Variants in GABPB2 observed in about 807,000 individuals in gnomAD.
The protein encoded by GABPB2 is GA-binding protein subunit beta-2.
GABPB2 carries 23 observed loss-of-function variants against 39.1 expected under a neutral mutation model. The observed-to-expected ratio is 0.59, with a 90% CI of 0.42 to 0.83. The LOEUF is 0.83. Ranked by LOEUF, GABPB2 falls within the 40% of genes least tolerant of loss-of-function variation. The probability of loss-of-function intolerance (pLI) is 0.00; values close to 1 mark genes in which losing one functional copy is unlikely to be tolerated. For missense variants in GABPB2, 467 were observed against 541.1 expected (o/e 0.86, Z 1.36); for synonymous variants, 184 against 199.3 (o/e 0.92, Z 0.65).
intron 4 of GABPB2, among the ~76,000 whole-genome samples, chr1:151,093,964 ACTAT>A (rs760676674): frequency 1.3e-5 from 2 of 151,222 alleles, no homozygotes; most frequent in Non-Finnish European, 2.9e-5. Flanking sequence ...TAAATTGGGG[ACTAT>A]CTATGAAGCT....
At chr1:151,086,667 TTAA>T (rs1678221061) in intron 1 of GABPB2, among the ~76,000 whole-genome samples, 2 of 76,514 alleles carry the variant, frequency 2.6e-5, no homozygotes, top group African/African-American at 7.5e-5. Context: ...AAGCTTGTTC[TTAA>T]TTTTTTTTTT....
At chr1:151,111,491 C>T (rs1363349751) in intron 7 of GABPB2, among the ~76,000 whole-genome samples, 1 of 151,298 alleles carries the variant, frequency 6.6e-6, no homozygotes, top group African/African-American at 2.4e-5. Flanking sequence ...GGCGTGATCT[C>T]GGCTCACCGC....
At position 151,121,000 on chromosome 1, in the gene GABPB2, C is replaced by T. The variant is rs2101584267; in HGVS notation, c.*2744C>T. On this transcript the variant is annotated 3_prime_UTR_variant, in exon 9 of 9. Coordinates refer to ENST00000368918, the MANE Select transcript of GABPB2 (RefSeq NM_144618.3). ...GGAACTCCTGGCCTCAGGTGATCCACCCGCCTTGGCCTCCCAAAATGCTGA... is the reference window on the plus strand; with the variant it reads ...GGAACTCCTGGCCTCAGGTGATCCATCCGCCTTGGCCTCCCAAAATGCTGA... 6.6e-6 allele frequency: 1 copy of T among 152,312 alleles called. No individual in the cohort carries two copies. Among genetic ancestry groups the T allele is most frequent in the East Asian group, 1.9e-4 (1 of 5,176 alleles). 9.4% of individuals were successfully genotyped at this position (152,312 alleles called of 1,614,324 possible). A position where few individuals can be genotyped will look rare whatever the true frequency, so the allele number is the denominator to read the frequency against.
intron 3 of GABPB2, among the ~76,000 whole-genome samples, chr1:151,091,036 A>AC (rs910730245): frequency 7.3e-5 from 11 of 150,814 alleles, no homozygotes; most frequent in African/African-American, 2.2e-4. Context: ...AAAAAAACAA[A>AC]AAAAAAAACC....
In GABPB2 at chr1:151,120,508, TA is replaced by T. The variant is rs979279036; in HGVS notation, c.*2262del. ...CTGGGCAACAAGAGTGAAACTCAAT[TA>T]AAAAAAAAATAGAAAAGAAAGAAAA... On this transcript the variant is annotated 3_prime_UTR_variant, in exon 9 of 9. Transcript: ENST00000368918. 37 of 148,316 alleles carry T rather than the reference TA, an allele frequency of 2.5e-4. No individual in the cohort carries two copies. Among genetic ancestry groups the T allele is most frequent in the Admixed American group, 6.1e-4 (9 of 14,826 alleles). The allele number at this position is 148,316 out of a possible 1,614,324, so 9.2% of individuals were successfully genotyped here.
chr1:151,116,456 G>A (rs1230722964), intron 7 of GABPB2, among the ~76,000 whole-genome samples: 1 of 150,754 alleles, frequency 6.6e-6, no homozygotes, highest in Non-Finnish European at 1.5e-5. Flanking sequence ...AGTGTGTCAT[G>A]TGTGTTGTGT....
rs781563426 is a variant in GABPB2, at chr1:151,118,541, T to C, written c.*285T>C. ...AAGAATACTGCATGTTGTGGGTTGA[T>C]TTTTTTTTTTTAAATAACTGACTTT... On this transcript the variant is annotated 3_prime_UTR_variant, in exon 9 of 9. Coordinates refer to ENST00000368918, the MANE Select transcript of GABPB2 (RefSeq NM_144618.3). 8 of 171,092 alleles carry C rather than the reference T, an allele frequency of 4.7e-5. No individual in the cohort carries two copies. Among genetic ancestry groups the C allele is most frequent in the Admixed American group, 6.4e-5 (1 of 15,566 alleles). The allele number at this position is 171,092 out of a possible 1,614,324, so 10.6% of individuals were successfully genotyped here. A position where few individuals can be genotyped will look rare whatever the true frequency, so the allele number is the denominator to read the frequency against.
intron 4 of GABPB2, among the ~76,000 whole-genome samples, chr1:151,096,446 G>A (rs958250744): frequency 1.3e-5 from 2 of 151,990 alleles, no homozygotes; most frequent in African/African-American, 4.8e-5. Flanking sequence ...GAGAGAGACA[G>A]AGAAAGCAAG....
At chr1:151,105,000 G>T (rs1211103984) in intron 6 of GABPB2, among the ~76,000 whole-genome samples, 1 of 151,798 alleles carries the variant, frequency 6.6e-6, no homozygotes, top group African/African-American at 2.4e-5. Flanking sequence ...CACCTCTGGG[G>T]TTCAAGCACA....
At chr1:151,111,305 G>T (rs751823804) in intron 7 of GABPB2, among the ~76,000 whole-genome samples, 4 of 150,898 alleles carry the variant, frequency 2.7e-5, no homozygotes, top group African/African-American at 7.3e-5. Flanking sequence ...GTGCAGTGGC[G>T]CAATCTCGGC....
Position 151,088,100 on chromosome 1 carries a change from A to G in GABPB2, c.1-90A>G, listed in dbSNP as rs1678353193. On this transcript the variant is annotated intron_variant, in intron 1 of 8. Transcript: ENST00000368918. ...CTTGAGATGTATCTTATATACATTC[A>G]AATATAAGAAGTCTTCTAAAAAATG... 3 of 844,396 alleles carry G rather than the reference A, an allele frequency of 3.6e-6. No individual in the cohort carries two copies. In the Admixed American group the frequency reaches 6.6e-5, roughly 19 times the overall value. 52.3% of individuals were successfully genotyped at this position (844,396 alleles called of 1,614,324 possible).
chr1:151,073,896 G>C (rs1251452743), intron 1 of GABPB2, among the ~76,000 whole-genome samples: 1 of 151,708 alleles, frequency 6.6e-6, no homozygotes, highest in Non-Finnish European at 1.5e-5. Flanking sequence ...CTCCAGCCTG[G>C]TGACAGAGCA....
intron 6 of GABPB2, among the ~76,000 whole-genome samples, chr1:151,104,489 A>G (rs587654645): frequency 6.6e-6 from 1 of 152,224 alleles, no homozygotes; most frequent in African/African-American, 2.4e-5. Context: ...AGGGAACAAC[A>G]TAGCAAAGGG....
intron 7 of GABPB2, among the ~76,000 whole-genome samples, chr1:151,112,971 G>T (rs903721566): frequency 6.6e-6 from 1 of 151,434 alleles, no homozygotes; most frequent in Non-Finnish European, 1.5e-5. Context: ...TAGAGACAGG[G>T]TTTCACCATG....
chr1:151,071,642 G>A (rs1278017363), intron 1 of GABPB2, among the ~76,000 whole-genome samples: 3 of 151,782 alleles, frequency 2.0e-5, no homozygotes, highest in Non-Finnish European at 4.4e-5. Flanking sequence ...GCTAATTTTT[G>A]TATATTTTTA....
At chr1:151,088,528 C>A in intron 2 of GABPB2, 2 of 1,066,024 alleles carry the variant, frequency 1.9e-6, no homozygotes, top group Non-Finnish European at 2.6e-6. Flanking sequence ...GTATTATATA[C>A]TTGTGATTTT....
chr1:151,092,060 A>G (rs1439476729), intron 3 of GABPB2, among the ~76,000 whole-genome samples: 1 of 145,794 alleles, frequency 6.9e-6, no homozygotes, highest in Non-Finnish European at 1.5e-5. Context: ...GCCTCCCAAC[A>G]CTGACAGGTG....
intron 2 of GABPB2, among the ~76,000 whole-genome samples, chr1:151,089,971 T>C (rs1678533448): frequency 6.6e-6 from 1 of 150,546 alleles, no homozygotes. Flanking sequence ...GGTGTTTCAC[T>C]CTGTCGCCCA....
At chr1:151,087,036 G>A (rs1458752366) in intron 1 of GABPB2, among the ~76,000 whole-genome samples, 7 of 151,986 alleles carry the variant, frequency 4.6e-5, no homozygotes, top group East Asian at 1.9e-4. Context: ...TGTATTTTTA[G>A]TAGAGACAGG....
Sources: gnomAD v4.1 joint callset for allele counts (sites outside exome capture counted in the v4.1 genomes callset) on GRCh38, gnomAD v4.1.1 for gene constraint, MANE v1.5 for transcripts, NCBI Gene and HGNC (gene_info 2026-07-23, HGNC 2026-07-21) for gene names.